Variants in SYNDIG1 observed in about 807,000 individuals in gnomAD.
The protein encoded by SYNDIG1 is synapse differentiation-inducing gene protein 1.
SYNDIG1 carries 9 observed loss-of-function variants against 19.4 expected under a neutral mutation model. The observed-to-expected ratio is 0.46, with a 90% CI of 0.28 to 0.81. The LOEUF is 0.81. SYNDIG1 is among the 30% of genes least tolerant of loss of function. The probability of loss-of-function intolerance (pLI) is 0.12; values close to 1 mark genes in which losing one functional copy is unlikely to be tolerated. For synonymous variants in SYNDIG1, 141 were observed against 145.9 expected (o/e 0.97, Z 0.24); for missense variants, 311 against 343.3 (o/e 0.91, Z 0.74).
At position 24,621,364 on chromosome 20, in the gene SYNDIG1, C is replaced by T. The variant is rs139374265; in HGVS notation, c.618+36371C>T. 1.5e-3 allele frequency among the ~76,000 whole-genome samples: 234 copies of T among 152,326 alleles called. 2 individuals carry two copies. Among genetic ancestry groups the T allele is most frequent in the African/African-American group, 5.5e-3 (230 of 41,570 alleles). On this transcript the variant is annotated intron_variant, in intron 3 of 3. Coordinates refer to ENST00000376862, the MANE Select transcript of SYNDIG1 (RefSeq NM_024893.3). The stretch of plus-strand genomic sequence containing the variant: ...CACTTTGAAGGTTTCAGTTGGTTGG[C>T]TTAGCACATGGTAAACACCAATTTG...
At chr20:24,593,314 A>G (rs1462848188) in intron 3 of SYNDIG1, among the ~76,000 whole-genome samples, 1 of 152,054 alleles carries the variant, frequency 6.6e-6, no homozygotes, top group Non-Finnish European at 1.5e-5. Flanking sequence ...TTCTGTTCCT[A>G]TGTCAGTTCA....
intron 1 of SYNDIG1, among the ~76,000 whole-genome samples, chr20:24,518,538 T>G (rs1459265104): frequency 6.6e-6 from 1 of 152,178 alleles, no homozygotes; most frequent in Non-Finnish European, 1.5e-5. Context: ...ACTTTTTGTC[T>G]GGGGGTTCAG....
At chr20:24,585,056 G>GGGGGGGGCCCCCC in intron 3 of SYNDIG1, 63 bp downstream of exon 3, 1 of 545,660 alleles carries the variant, frequency 1.8e-6, no homozygotes. Context: ...GGTGGGGGCG[G>GGGGGGGGCCCCCC]CAATCCCAGC....
intron 2 of SYNDIG1, among the ~76,000 whole-genome samples, chr20:24,561,733 C>T (rs2057950085): frequency 1.3e-5 from 2 of 152,106 alleles, no homozygotes; most frequent in African/African-American, 4.8e-5. Context: ...CTCCTGACTG[C>T]CCTAGCAGAA....
intron 1 of SYNDIG1, among the ~76,000 whole-genome samples, chr20:24,504,863 A>G (rs2056548591): frequency 6.6e-6 from 1 of 152,200 alleles, no homozygotes; most frequent in Non-Finnish European, 1.5e-5. Context: ...TCAGTTCCCC[A>G]TCTGAAAGAC....
chr20:24,471,719 AC>A (rs1168287502), intron 1 of SYNDIG1, among the ~76,000 whole-genome samples: 14 of 151,754 alleles, frequency 9.2e-5, no homozygotes, highest in Non-Finnish European at 1.9e-4. Flanking sequence ...AGCTTTGTGT[AC>A]CCCCCACCCA....
chr20:24,544,991 G>C (rs1276328771), intron 2 of SYNDIG1, among the ~76,000 whole-genome samples: 4 of 152,174 alleles, frequency 2.6e-5, no homozygotes, highest in Non-Finnish European at 5.9e-5. Flanking sequence ...AAGCAATAGG[G>C]AGGAAGTTTG....
At chr20:24,633,599 T>C (rs1241887015) in intron 3 of SYNDIG1, among the ~76,000 whole-genome samples, 1 of 152,188 alleles carries the variant, frequency 6.6e-6, no homozygotes, top group African/African-American at 2.4e-5. Context: ...CCATCCTTTT[T>C]TCCAGTTCGC....
At chr20:24,508,196 A>G (rs1480424838) in intron 1 of SYNDIG1, among the ~76,000 whole-genome samples, 1 of 151,740 alleles carries the variant, frequency 6.6e-6, no homozygotes, top group Non-Finnish European at 1.5e-5. Flanking sequence ...AGGTAAGTGG[A>G]AAATTAAAAT....
At chr20:24,530,009 A>ATGGTGGTGGTGACGGTAGT (rs1568614830) in intron 1 of SYNDIG1, among the ~76,000 whole-genome samples, 1 of 9,852 alleles carries the variant, frequency 1.0e-4, no homozygotes, top group Non-Finnish European at 2.2e-4. Context: ...TGGTGGGGAT[A>ATGGTGGTGGTGACGGTAGT]ATGATGGTGA....
chr20:24,476,361 C>T (rs189409980), intron 1 of SYNDIG1, among the ~76,000 whole-genome samples: 2 of 152,094 alleles, frequency 1.3e-5, no homozygotes, highest in East Asian at 2.0e-4. Context: ...CATTATTATC[C>T]TGATCTTTAA....
In SYNDIG1 at chr20:24,665,463, G is replaced by A. The variant is rs749061835; in HGVS notation, c.736G>A (p.Val246Met). ...GACTGGCGTCTATGTGGGCGTGGCC[G>A]TGGCCCTCATCGCCTACCTCTCCAA... ...IGTGVYVGVA[V>M]ALIAYLSKNN... Residue 246 changes from valine (V) to methionine (M), a missense_variant, in exon 4 of 4, where the codon GTG (valine) becomes ATG (methionine). Physicochemically the swap from Val to Met is conservative, Grantham distance 21 (BLOSUM62 1). Coordinates refer to ENST00000376862, the MANE Select transcript of SYNDIG1 (RefSeq NM_024893.3). 41 of 1,613,960 alleles carry A rather than the reference G, an allele frequency of 2.5e-5. No homozygotes were observed. The Admixed American group carries it at 2.8e-4, about 11-fold the overall frequency.
At chr20:24,492,086 C>T (rs757302782) in intron 1 of SYNDIG1, among the ~76,000 whole-genome samples, 24 of 152,214 alleles carry the variant, frequency 1.6e-4, no homozygotes, top group African/African-American at 4.6e-4. Flanking sequence ...GGCCCCCGGC[C>T]GGCTCCGTGT....
intron 3 of SYNDIG1, among the ~76,000 whole-genome samples, chr20:24,651,105 A>G (rs972442782): frequency 6.6e-6 from 1 of 151,962 alleles, no homozygotes; most frequent in Non-Finnish European, 1.5e-5. Flanking sequence ...CCTTATATTC[A>G]TATGTGTATT....
chr20:24,642,243 C>T (rs143997224), intron 3 of SYNDIG1, among the ~76,000 whole-genome samples: 237 of 152,282 alleles, frequency 1.6e-3, no homozygotes, highest in Non-Finnish European at 2.6e-3. Context: ...GGAGGCCCCA[C>T]TGTTGAGATT....
At chr20:24,587,680 G>C (rs950645742) in intron 3 of SYNDIG1, among the ~76,000 whole-genome samples, 2 of 152,248 alleles carry the variant, frequency 1.3e-5, no homozygotes, top group African/African-American at 2.4e-5. Context: ...GGACTGGAGA[G>C]GGGGAAGCCC....
Position 24,666,248 on chromosome 20 carries a change from C to T in SYNDIG1, c.*744C>T, listed in dbSNP as rs1600850661. ...AGGCAGGCCACCGCCCCTCCCAAGACTCCTCAAGAAAGAGCCCCGCGGTTG... is the reference window on the plus strand; with the variant it reads ...AGGCAGGCCACCGCCCCTCCCAAGATTCCTCAAGAAAGAGCCCCGCGGTTG... On this transcript the variant is annotated 3_prime_UTR_variant, in exon 4 of 4. Transcript: ENST00000376862. 6.5e-6 allele frequency: 1 copy of T among 152,702 alleles called. No homozygotes were observed. Among genetic ancestry groups the T allele is most frequent in the South Asian group, 2.1e-4 (1 of 4,834 alleles). 9.5% of individuals were successfully genotyped at this position (152,702 alleles called of 1,614,324 possible). A position where few individuals can be genotyped will look rare whatever the true frequency, so the allele number is the denominator to read the frequency against.
chr20:24,478,744 A>G (rs1228362186), intron 1 of SYNDIG1, among the ~76,000 whole-genome samples: 1 of 152,184 alleles, frequency 6.6e-6, no homozygotes, highest in Non-Finnish European at 1.5e-5. Context: ...CAGGGGCACC[A>G]TGGGCAAGGG....
At chr20:24,604,827 T>G (rs1051100641) in intron 3 of SYNDIG1, among the ~76,000 whole-genome samples, 1 of 152,170 alleles carries the variant, frequency 6.6e-6, no homozygotes, top group Non-Finnish European at 1.5e-5. Flanking sequence ...GAACCCTCTC[T>G]TGAGGTCTGG....
Sources: gnomAD v4.1 joint callset for allele counts (sites outside exome capture counted in the v4.1 genomes callset) on GRCh38, gnomAD v4.1.1 for gene constraint, MANE v1.5 for transcripts, NCBI Gene and HGNC (gene_info 2026-07-23, HGNC 2026-07-21) for gene names.